Variants in RMDN2 observed in about 807,000 individuals in gnomAD.
RMDN2 encodes the protein regulator of microtubule dynamics 2, also known as regulator of microtubule dynamics protein 2.
A neutral mutation model predicts 52.8 loss-of-function variants in RMDN2; 61 were observed. The observed-to-expected ratio is 1.16, with a 90% CI of 0.94 to 1.43. The LOEUF (loss-of-function observed/expected upper bound fraction) is 1.43. RMDN2 is among the 40% of genes most tolerant of loss of function. The pLI is 0.00. For synonymous variants in RMDN2, 180 were observed against 153.1 expected, an observed-to-expected ratio of 1.18 and a Z score of -1.30; for missense variants, 592 against 475.3, an observed-to-expected ratio of 1.25 and a Z score of -2.28.
At chr2:37,930,961 G>C (rs1666686505) in intron 2 of RMDN2, among the ~76,000 whole-genome samples, 1 of 152,172 alleles carries the variant, frequency 6.6e-6, no homozygotes, top group African/African-American at 2.4e-5. Flanking sequence ...GGCAGGAGCA[G>C]ACTCCCTCCA....
chr2:37,942,083 A>C (rs1037878878), intron 2 of RMDN2, among the ~76,000 whole-genome samples: 1 of 152,042 alleles, frequency 6.6e-6, no homozygotes, highest in Non-Finnish European at 1.5e-5. Flanking sequence ...ACCGTGGGAA[A>C]AGTGTAGTAT....
At chr2:37,969,506 CTTG>C (rs948466434) in intron 2 of RMDN2, among the ~76,000 whole-genome samples, 1 of 150,674 alleles carries the variant, frequency 6.6e-6, no homozygotes, top group African/African-American at 2.4e-5. Context: ...ATTATATTTT[CTTG>C]TTTTATAGAG....
intron 2 of RMDN2, among the ~76,000 whole-genome samples, chr2:37,960,554 C>T (rs966583602): frequency 1.3e-5 from 2 of 152,074 alleles, no homozygotes; most frequent in African/African-American, 4.8e-5. Context: ...TGATATGGGT[C>T]TCCTGAATAC....
intron 2 of RMDN2, among the ~76,000 whole-genome samples, chr2:37,954,840 A>ATG (rs775472844): frequency 6.6e-6 from 1 of 152,088 alleles, no homozygotes; most frequent in Non-Finnish European, 1.5e-5. Context: ...CAAACATGGC[A>ATG]TGTCTTTCTA....
intron 5 of RMDN2, among the ~76,000 whole-genome samples, chr2:37,988,505 G>C (rs1315829243): frequency 6.6e-6 from 1 of 152,164 alleles, no homozygotes; most frequent in Non-Finnish European, 1.5e-5. Context: ...CATTTTATTG[G>C]TTGTCCATAT....
At chr2:38,067,004 G>A in exon 11 of RMDN2, 1 of 1,613,776 alleles carries the variant, frequency 6.2e-7, no homozygotes, top group Non-Finnish European at 8.5e-7. Flanking sequence ...GGAAGATAAA[G>A]AGCCTTTGGT....
At chr2:38,056,649 C>T (rs968681535) in intron 10 of RMDN2, among the ~76,000 whole-genome samples, 1 of 152,066 alleles carries the variant, frequency 6.6e-6, no homozygotes, top group African/African-American at 2.4e-5. Context: ...TTCAGGGTGT[C>T]CCATGTGACT....
intron 10 of RMDN2, among the ~76,000 whole-genome samples, chr2:38,029,168 C>T (rs1202254921): frequency 5.3e-5 from 8 of 152,112 alleles, no homozygotes; most frequent in Non-Finnish European, 1.2e-4. Flanking sequence ...TCTGCCTTTC[C>T]AGCAGATCTC....
Position 38,013,462 on chromosome 2 carries a change from A to AGTGC in RMDN2, c.1180-3723_1180-3720dup, listed in dbSNP as rs1364947602. Among the ~76,000 whole-genome samples the AGTGC allele has an allele frequency of 5.3e-5, 8 of 152,326 alleles. No homozygotes were observed. In the East Asian group the frequency reaches 1.2e-3, roughly 22 times the overall value. On this transcript the variant is annotated intron_variant, in intron 10 of 10. Coordinates refer to ENST00000354545, the MANE Select transcript of RMDN2 (RefSeq NM_001170791.3). ...ACCACAAAAAGAAGTGTACTCTGGG[A>AGTGC]GTGCTAAAAGTTAAGAGCACGTTAT...
At chr2:37,984,394 T>C (rs1471880804) in intron 5 of RMDN2, among the ~76,000 whole-genome samples, 1 of 152,214 alleles carries the variant, frequency 6.6e-6, no homozygotes, top group Non-Finnish European at 1.5e-5. Flanking sequence ...TATATCCACA[T>C]GTCTTAGAAC....
chr2:37,932,720 G>A (rs1420161196), intron 2 of RMDN2, among the ~76,000 whole-genome samples: 2 of 147,652 alleles, frequency 1.4e-5, no homozygotes, highest in East Asian at 2.1e-4. Context: ...CGGACGGGGC[G>A]GCTGGCCGGG....
intron 10 of RMDN2, among the ~76,000 whole-genome samples, chr2:38,044,495 A>G (rs544378273): frequency 2.0e-5 from 3 of 151,198 alleles, no homozygotes; most frequent in African/African-American, 7.3e-5. Flanking sequence ...TCCTTTTGTT[A>G]TTCCCATTTC....
intron 10 of RMDN2, among the ~76,000 whole-genome samples, chr2:38,053,924 T>C (rs1295972218): frequency 6.6e-6 from 1 of 152,224 alleles, no homozygotes; most frequent in Non-Finnish European, 1.5e-5. Flanking sequence ...ATAGTTATTT[T>C]GATAGACAGA....
chr2:38,003,950 A>T (rs1468099905), intron 8 of RMDN2, 41 bp from the exon 9 acceptor site: 1 of 1,435,182 alleles, frequency 7.0e-7, no homozygotes, highest in Admixed American at 1.7e-5. Context: ...TGTTATTTTA[A>T]TATTGCCCTG....
chr2:38,043,541 A>T (rs951744375), intron 10 of RMDN2, among the ~76,000 whole-genome samples: 2 of 151,978 alleles, frequency 1.3e-5, no homozygotes, highest in Non-Finnish European at 2.9e-5. Context: ...TTATATATTC[A>T]TTGCACTTGT....
chr2:37,973,998 C>T lies in RMDN2; in HGVS notation c.453-42C>T, dbSNP rs771953288. On this transcript the variant is annotated intron_variant, in intron 2 of 10. Transcript: ENST00000354545. The stretch of plus-strand genomic sequence containing the variant: ...TAAAAGGAATGCTCTGGCTATTATA[C>T]TTAACTTTCAAAGGAGTTGATGATT... 1.2e-5 allele frequency: 18 copies of T among 1,491,814 alleles called. No individual in the cohort carries two copies. In the Admixed American group the frequency reaches 2.7e-4, roughly 22 times the overall value. The allele number at this position is 1,491,814 out of a possible 1,614,324, so 92.4% of individuals were successfully genotyped here. A position where few individuals can be genotyped will look rare whatever the true frequency, so the allele number is the denominator to read the frequency against.
At position 38,014,041 on chromosome 2, in the gene RMDN2, T is replaced by C. The variant is rs149195363; in HGVS notation, c.1180-3145T>C. On this transcript the variant is annotated intron_variant, in intron 10 of 10. Coordinates refer to ENST00000354545, the MANE Select transcript of RMDN2 (RefSeq NM_001170791.3). The stretch of plus-strand genomic sequence containing the variant: ...GAGCAACATGGAGAAACCCCATCTT[T>C]ACTAAAAAAAAAAACACAAAATTAG... 2.1e-4 allele frequency among the ~76,000 whole-genome samples: 32 copies of C among 152,022 alleles called. No individual in the cohort carries two copies. The East Asian group carries it at 5.8e-3, about 28-fold the overall frequency.
chr2:37,931,924 AGCAAATG>A (rs1666778930), intron 2 of RMDN2, among the ~76,000 whole-genome samples: 1 of 152,264 alleles, frequency 6.6e-6, no homozygotes, highest in African/African-American at 2.4e-5. Context: ...CTTGGACTAC[AGCAAATG>A]GCACTCAGTA....
intron 2 of RMDN2, among the ~76,000 whole-genome samples, chr2:37,934,570 T>G (rs1667131063): frequency 6.6e-6 from 1 of 152,136 alleles, no homozygotes; most frequent in African/African-American, 2.4e-5. Context: ...TTTATTTTTT[T>G]GTCACTCCGA....
Sources: gnomAD v4.1 joint callset for allele counts (sites outside exome capture counted in the v4.1 genomes callset) on GRCh38, gnomAD v4.1.1 for gene constraint, MANE v1.5 for transcripts, NCBI Gene and HGNC (gene_info 2026-07-23, HGNC 2026-07-21) for gene names.